The following SPSB4 variants were observed in gnomAD, a reference collection of about 807,000 sequenced individuals.
The protein encoded by SPSB4 is SPRY domain-containing SOCS box protein 4.
SPSB4 carries 21 observed loss-of-function variants against 20.9 expected under a neutral mutation model. That is an observed-to-expected ratio of 1.01 (90% CI 0.71 to 1.45). The LOEUF is 1.45. Among genes scored for constraint, SPSB4 ranks in the 40% most tolerant of loss-of-function variants. SPSB4 has a pLI of 0.00. For synonymous variants in SPSB4, 207 were observed against 183.8 expected (o/e 1.13, Z -1.02); for missense variants, 399 against 399.2 (o/e 1.00, Z 0.00).
chr3:141,126,180 T>C (rs1009047363), intron 2 of SPSB4, among the ~76,000 whole-genome samples: 2 of 152,078 alleles, frequency 1.3e-5, no homozygotes, highest in Non-Finnish European at 2.9e-5. Flanking sequence ...AAAGAGAAGC[T>C]CAGAGAGGGA....
chr3:141,134,805 T>A (rs1287662448), intron 2 of SPSB4, among the ~76,000 whole-genome samples: 1 of 152,136 alleles, frequency 6.6e-6, no homozygotes, highest in Admixed American at 6.5e-5. Context: ...CTTTCCCGGT[T>A]TTGGTATTAG....
At chr3:141,113,086 A>T (rs1026105503) in intron 2 of SPSB4, among the ~76,000 whole-genome samples, 1 of 152,190 alleles carries the variant, frequency 6.6e-6, no homozygotes, top group East Asian at 1.9e-4. Context: ...TCCAAACCAC[A>T]GTGAGATGCC....
intron 2 of SPSB4, among the ~76,000 whole-genome samples, chr3:141,099,773 A>G (rs1938589612): frequency 6.6e-6 from 1 of 152,192 alleles, no homozygotes; most frequent in Admixed American, 6.5e-5. Flanking sequence ...AGATTTAGAT[A>G]AGAACAAGAC....
chr3:141,074,141 G>A (rs887422693), intron 2 of SPSB4, among the ~76,000 whole-genome samples: 1 of 152,164 alleles, frequency 6.6e-6, no homozygotes, highest in African/African-American at 2.4e-5. Context: ...GGAAGAGCAG[G>A]GTTCAGGGGT....
In SPSB4 at chr3:141,125,903, G is replaced by T. The variant is rs114835977; in HGVS notation, c.695-21239G>T. On this transcript the variant is annotated intron_variant, in intron 2 of 2. Transcript: ENST00000310546. ...CCAAGGCTTCTCTTCTAAGAGGTGT[G>T]AAGATAGAGGAGAATCATATTGGAT... 7.9e-3 allele frequency among the ~76,000 whole-genome samples: 1,202 copies of T among 152,318 alleles called. 21 individuals carry two copies. The highest frequency in any genetic ancestry group is 0.027 in the African/African-American group (1,133 of 41,560).
intron 2 of SPSB4, among the ~76,000 whole-genome samples, chr3:141,122,582 A>G (rs7645147): frequency 0.26 from 39,377 of 152,088 alleles, 6,262 homozygotes; most frequent in African/African-American, 0.42. Flanking sequence ...GCTCTGTCCT[A>G]TTTGAGCTTC....
chr3:141,095,257 A>G (rs917901996), intron 2 of SPSB4, among the ~76,000 whole-genome samples: 1 of 152,096 alleles, frequency 6.6e-6, no homozygotes, highest in Admixed American at 6.5e-5. Flanking sequence ...TGCGGAGAGC[A>G]TGTTCAGGAA....
In SPSB4 at chr3:141,147,341, A is replaced by G. The variant is rs1045958037; in HGVS notation, c.*72A>G. On this transcript the variant is annotated 3_prime_UTR_variant, in exon 3 of 3. Transcript: ENST00000310546. ...CGACCCTCCTGTCATTCACAGTCCC[A>G]TGGCACATAGGGGAAAGGATCTACC... The G allele has an allele frequency of 7.5e-6, 12 of 1,596,956 alleles. No individual in the cohort carries two copies. Among genetic ancestry groups the G allele is most frequent in the African/African-American group, 4.0e-5 (3 of 74,698 alleles).
intron 2 of SPSB4, among the ~76,000 whole-genome samples, chr3:141,087,214 A>G (rs933172325): frequency 1.3e-5 from 2 of 152,162 alleles, no homozygotes; most frequent in Admixed American, 6.5e-5. Context: ...GGCAGTGTGC[A>G]CAGTAGTATG....
intron 2 of SPSB4, chr3:141,117,050 T>G (rs1268759755): frequency 6.6e-6 from 1 of 152,208 alleles, no homozygotes; most frequent in Admixed American, 6.5e-5. Flanking sequence ...TGGTTATTGA[T>G]GTAGAAGCAT....
intron 2 of SPSB4, among the ~76,000 whole-genome samples, chr3:141,068,258 T>G (rs1034428537): frequency 6.6e-6 from 1 of 152,214 alleles, no homozygotes; most frequent in Non-Finnish European, 1.5e-5. Context: ...TGCCTACAAT[T>G]GCCATTGAAT....
intron 2 of SPSB4, among the ~76,000 whole-genome samples, chr3:141,071,461 T>C (rs1388576906): frequency 1.4e-5 from 2 of 147,852 alleles, no homozygotes; most frequent in African/African-American, 5.3e-5. Context: ...TTCTGTGCCC[T>C]GGGCTTAGGA....
intron 2 of SPSB4, among the ~76,000 whole-genome samples, chr3:141,143,995 G>A (rs1939374492): frequency 1.3e-5 from 2 of 152,344 alleles, no homozygotes; most frequent in East Asian, 3.9e-4. Context: ...GCTCCTAACA[G>A]TGTCAGGGAC....
intron 2 of SPSB4, among the ~76,000 whole-genome samples, chr3:141,109,513 C>G (rs140952836): frequency 1.2e-3 from 186 of 152,216 alleles, no homozygotes; most frequent in African/African-American, 4.0e-3. Flanking sequence ...TGCCAGCGGT[C>G]CTCATTTGCT....
chr3:141,134,041 T>TTC (rs1939183269), intron 2 of SPSB4, among the ~76,000 whole-genome samples: 1 of 138,614 alleles, frequency 7.2e-6, no homozygotes, highest in Non-Finnish European at 1.5e-5. Context: ...TTTTCTTTTT[T>TTC]TTTTTTTCTT....
intron 2 of SPSB4, among the ~76,000 whole-genome samples, chr3:141,140,226 T>C (rs567394887): frequency 7.9e-5 from 12 of 152,150 alleles, no homozygotes; most frequent in Non-Finnish European, 1.6e-4. Flanking sequence ...ATTCTAGTTA[T>C]CCATTCGTCT....
chr3:141,134,987 A>G (rs1005622705), intron 2 of SPSB4, among the ~76,000 whole-genome samples: 9 of 151,862 alleles, frequency 5.9e-5, no homozygotes, highest in Non-Finnish European at 1.3e-4. Flanking sequence ...TCTTAAGTAT[A>G]TACACATGTA....
intron 2 of SPSB4, among the ~76,000 whole-genome samples, chr3:141,136,824 C>T (rs1288442847): frequency 2.6e-5 from 4 of 152,134 alleles, no homozygotes; most frequent in Non-Finnish European, 5.9e-5. Context: ...GCGATGTGGG[C>T]TCTTTTTTGG....
chr3:141,083,084 T>C (rs1032429487), intron 2 of SPSB4, among the ~76,000 whole-genome samples: 6 of 152,126 alleles, frequency 3.9e-5, no homozygotes, highest in Non-Finnish European at 5.9e-5. Flanking sequence ...AGGCCATCTC[T>C]GCTTTCTTTC....
Sources: allele counts gnomAD v4.1 joint callset (sites outside exome capture counted in the v4.1 genomes callset), GRCh38; gene constraint gnomAD v4.1.1; transcripts MANE v1.5; gene names NCBI Gene and HGNC (gene_info 2026-07-23, HGNC 2026-07-21).